CFAP54: variants seen among roughly 807,000 people sequenced by gnomAD.
CFAP54 encodes cilia- and flagella-associated protein 54.
CFAP54 carries 290 observed loss-of-function variants against 370.4 expected under a neutral mutation model. That is an observed-to-expected ratio of 0.78 (90% CI 0.71 to 0.86). The LOEUF (loss-of-function observed/expected upper bound fraction) is 0.86. Ranked by LOEUF, CFAP54 falls within the 40% of genes least tolerant of loss-of-function variation. The pLI is 0.00. For synonymous variants in CFAP54, 1,206 were observed against 1,236.5 expected (o/e 0.98, Z 0.52); for missense variants, 3,399 against 3,528.7 (o/e 0.96, Z 0.93).
intron 9 of CFAP54, among the ~76,000 whole-genome samples, chr12:96,528,243 G>C (rs1010484694): frequency 2.0e-5 from 3 of 151,246 alleles, no homozygotes; most frequent in African/African-American, 7.3e-5. Context: ...TTTTTTTGTT[G>C]TTGTTTTTAA....
chr12:96,856,782 G>A (rs1168212786), intron 66 of CFAP54, among the ~76,000 whole-genome samples: 1 of 150,858 alleles, frequency 6.6e-6, no homozygotes, highest in East Asian at 1.9e-4. Context: ...CCTCCAAACT[G>A]TCCCAACCTC....
chr12:96,572,884 A>G (rs1955936838), intron 19 of CFAP54: 5 of 985,434 alleles, frequency 5.1e-6, no homozygotes, highest in Non-Finnish European at 6.0e-6. Context: ...CAGAACACAG[A>G]AAGTTTTTTT....
Position 96,535,052 on chromosome 12 carries a change from GTTTA to G in CFAP54, c.1706-443_1706-440del, listed in dbSNP as rs1243466427. 3.9e-3 allele frequency among the ~76,000 whole-genome samples: 502 copies of G among 128,958 alleles called. 5 individuals are homozygous for G. Among genetic ancestry groups the G allele is most frequent in the African/African-American group, 0.013 (467 of 35,098 alleles). The allele number at this position is 128,958 out of a possible 152,430, so 84.6% of individuals were successfully genotyped here. A position where few individuals can be genotyped will look rare whatever the true frequency, so the allele number is the denominator to read the frequency against. On this transcript the variant is annotated intron_variant, in intron 11 of 67. Transcript: ENST00000524981. ...TGTGTGTGTGTGTGTGTGTGTGTGT[GTTTA>G]TTTATTTATTTATTTATTTTGAGTC...
intron 45 of CFAP54, among the ~76,000 whole-genome samples, chr12:96,698,924 A>G (rs1056078173): frequency 6.6e-5 from 10 of 152,182 alleles, no homozygotes; most frequent in Admixed American, 3.9e-4. Context: ...GGGTCTGGAT[A>G]CAGAATCTTC....
At chr12:96,531,739 G>C (rs1955442161) in intron 9 of CFAP54, among the ~76,000 whole-genome samples, 1 of 151,954 alleles carries the variant, frequency 6.6e-6, no homozygotes, top group Admixed American at 6.6e-5. Flanking sequence ...TTGTTTGTTT[G>C]TTTGAGACAG....
chr12:96,825,482 TAAC>T (rs1592788165), intron 65 of CFAP54, among the ~76,000 whole-genome samples: 25 of 117,380 alleles, frequency 2.1e-4, no homozygotes, highest in South Asian at 9.6e-4. Context: ...ATATATTATA[TAAC>T]ATATATAACA....
chr12:96,647,472 CA>C (rs57089692), intron 33 of CFAP54, among the ~76,000 whole-genome samples: 78 of 40,770 alleles, frequency 1.9e-3, no homozygotes, highest in Middle Eastern at 0.038. Context: ...GACTCTGTCC[CA>C]AAAAAAAAAA....
At chr12:96,819,962 T>C (rs2136739294) in intron 65 of CFAP54, among the ~76,000 whole-genome samples, 1 of 152,330 alleles carries the variant, frequency 6.6e-6, no homozygotes, top group South Asian at 2.1e-4. Context: ...GCCTCACTTT[T>C]CCAGAACTCT....
chr12:96,626,093 CAT>C (rs1262322437), intron 29 of CFAP54, among the ~76,000 whole-genome samples: 1 of 152,020 alleles, frequency 6.6e-6, no homozygotes, highest in African/African-American at 2.4e-5. Flanking sequence ...CATTGAAAAA[CAT>C]ATTAGTGGCT....
intron 4 of CFAP54, among the ~76,000 whole-genome samples, chr12:96,510,043 C>G (rs970730674): frequency 2.0e-5 from 3 of 150,386 alleles, no homozygotes; most frequent in Non-Finnish European, 4.4e-5. Context: ...TTTGGGAGGC[C>G]CAGGTGAAAG....
chr12:96,665,532 A>G (rs967777706), intron 39 of CFAP54, among the ~76,000 whole-genome samples: 4 of 152,112 alleles, frequency 2.6e-5, no homozygotes, highest in Admixed American at 2.0e-4. Context: ...TCAATCTTCT[A>G]TATATGTCCA....
intron 23 of CFAP54, among the ~76,000 whole-genome samples, chr12:96,589,815 T>A (rs1460680286): frequency 6.6e-6 from 1 of 152,246 alleles, no homozygotes; most frequent in East Asian, 1.9e-4. Context: ...GGCATGATCC[T>A]GGCTCACTGC....
At chr12:96,750,409 T>C (rs1222692116) in intron 55 of CFAP54, among the ~76,000 whole-genome samples, 6 of 152,214 alleles carry the variant, frequency 3.9e-5, no homozygotes, top group African/African-American at 1.4e-4. Context: ...CTCCCTTCTG[T>C]TCCTCCCTCT....
At chr12:96,665,482 G>C (rs1957070742) in intron 39 of CFAP54, among the ~76,000 whole-genome samples, 1 of 152,082 alleles carries the variant, frequency 6.6e-6, no homozygotes, top group South Asian at 2.1e-4. Flanking sequence ...AATCCATCTT[G>C]AGTTAGTTTA....
At chr12:96,587,098 G>A (rs1224124137) in intron 22 of CFAP54, among the ~76,000 whole-genome samples, 1 of 152,164 alleles carries the variant, frequency 6.6e-6, no homozygotes, top group African/African-American at 2.4e-5. Context: ...GGCTGTGGGT[G>A]GTGGAGGTTC....
Position 96,743,759 on chromosome 12 carries a change from A to G in CFAP54, c.7406A>G (p.Glu2469Gly). The G allele has an allele frequency of 6.2e-7, 1 of 1,609,486 alleles. No individual in the cohort carries two copies. The highest frequency in any genetic ancestry group is 8.5e-7 in the Non-Finnish European group (1 of 1,178,584). Residue 2469 changes from glutamate (E) to glycine (G), a missense_variant, in exon 54 of 68, where the codon GAA becomes GGA. Physicochemically the swap from Glu to Gly is moderately conservative, Grantham distance 98. Transcript: ENST00000524981. ...ATAATACATTTGCTGGAAGGAAATG[A>G]ATTTATTTCTCCTCAATCACGGCTA... Reference protein sequence around the residue: ...QDIIHLLEGNEFISPQSRLTL... With the variant: ...QDIIHLLEGNGFISPQSRLTL...
intron 60 of CFAP54, 161 bp downstream of exon 60, chr12:96,765,379 G>GCC: frequency 4.4e-6 from 2 of 459,360 alleles, no homozygotes; most frequent in Non-Finnish European, 7.7e-6. Context: ...AAAATAGAGG[G>GCC]CTCTTAGCTC....
At chr12:96,765,748 T>A (rs925008280) in intron 60 of CFAP54, among the ~76,000 whole-genome samples, 3 of 152,366 alleles carry the variant, frequency 2.0e-5, no homozygotes, top group African/African-American at 7.2e-5. Context: ...AATATCAACA[T>A]TTGTTAAATG....
At chr12:96,812,426 C>A (rs1031569863) in intron 64 of CFAP54, among the ~76,000 whole-genome samples, 3 of 152,128 alleles carry the variant, frequency 2.0e-5, no homozygotes, top group Non-Finnish European at 4.4e-5. Context: ...TTTCTCTCTT[C>A]CTGTTTCACT....
Sources: allele counts gnomAD v4.1 joint callset (sites outside exome capture counted in the v4.1 genomes callset), GRCh38; gene constraint gnomAD v4.1.1; transcripts MANE v1.5; gene names NCBI Gene and HGNC (gene_info 2026-07-23, HGNC 2026-07-21).